DNTT: variants seen among roughly 807,000 people sequenced by gnomAD.
DNTT encodes nucleosidetriphosphate:DNA deoxynucleotidylexotransferase.
DNTT carries 47 observed loss-of-function variants against 60.9 expected under a neutral mutation model. That is an observed-to-expected ratio of 0.77 (90% confidence interval 0.61 to 0.98). The LOEUF is 0.98. Ranked by LOEUF, DNTT falls within the 50% of genes least tolerant of loss-of-function variation. The pLI is 0.00. For missense variants in DNTT, 665 were observed against 627.5 expected (o/e 1.06, Z -0.64); for synonymous variants, 224 against 221.2 (o/e 1.01, Z -0.11).
intron 4 of DNTT, among the ~76,000 whole-genome samples, chr10:96,321,089 T>C (rs535242763): frequency 1.3e-5 from 2 of 152,228 alleles, no homozygotes; most frequent in Non-Finnish European, 2.9e-5. Flanking sequence ...TTACCGATAG[T>C]GAATCCGTTC....
At chr10:96,327,235 CCTT>C (rs945756580) in intron 6 of DNTT, among the ~76,000 whole-genome samples, 3 of 152,288 alleles carry the variant, frequency 2.0e-5, no homozygotes, top group East Asian at 3.9e-4. Flanking sequence ...AATATTGTCT[CCTT>C]CTCAGGAAAT....
chr10:96,314,236 C>T (rs953168722), intron 1 of DNTT, among the ~76,000 whole-genome samples: 6 of 152,004 alleles, frequency 3.9e-5, no homozygotes, highest in Non-Finnish European at 8.8e-5. Context: ...GTTACTCCCT[C>T]TGCAACAAGA....
intron 8 of DNTT, 107 bp downstream of exon 8, chr10:96,328,937 C>G (rs1844972449): frequency 8.7e-7 from 1 of 1,145,892 alleles, no homozygotes; most frequent in Non-Finnish European, 1.2e-6. Context: ...AATCAATTCT[C>G]AATTATTTGT....
intron 9 of DNTT, among the ~76,000 whole-genome samples, chr10:96,333,446 G>A (rs886430712): frequency 2.0e-5 from 3 of 152,180 alleles, no homozygotes; most frequent in African/African-American, 7.2e-5. Context: ...ATATGATCCA[G>A]CAATCTTACT....
intron 1 of DNTT, 98 bp downstream of exon 1, chr10:96,304,798 A>AAAACACAGGTTCCTTG: frequency 7.4e-7 from 1 of 1,358,684 alleles, no homozygotes; most frequent in Non-Finnish European, 9.9e-7. Context: ...CATGTGGAAG[A>AAAACACAGGTTCCTTG]GGTGATCTTC....
chr10:96,330,754 C>T (rs1200650830), intron 8 of DNTT, among the ~76,000 whole-genome samples: 1 of 152,080 alleles, frequency 6.6e-6, no homozygotes, highest in Admixed American at 6.5e-5. Flanking sequence ...GTCCCTGGTC[C>T]GGGAACACCA....
At chr10:96,307,775 A>ATT (rs1194627144) in intron 1 of DNTT, among the ~76,000 whole-genome samples, 1,808 of 121,240 alleles carry the variant, frequency 0.015, 108 homozygotes, top group East Asian at 0.09. Flanking sequence ...ATATATATAT[A>ATT]TATTTTTTTT....
chr10:96,317,831 GGT>G, intron 1 of DNTT, among the ~76,000 whole-genome samples: 1 of 152,240 alleles, frequency 6.6e-6, no homozygotes, highest in Non-Finnish European at 1.5e-5. Context: ...CTCAGTCTAA[GGT>G]ATTTTGTTAT....
chr10:96,329,472 A>G (rs1157015205), intron 8 of DNTT, among the ~76,000 whole-genome samples: 1 of 152,206 alleles, frequency 6.6e-6, no homozygotes, highest in East Asian at 1.9e-4. Context: ...CACTTCCTAG[A>G]GAGACCAGAG....
rs1844817537 is a variant in DNTT at position 96,318,424 on chromosome 10, A to G, written c.276A>G (p.Lys92=). ...SDVLEWLQAQ[K]VQVSSQPELL... Reference sequence around the variant, plus strand: ...TTCTGGAGTGGCTTCAAGCACAGAAAGTACAAGTCAGCTCACAACCAGAGC... The same window carrying G: ...TTCTGGAGTGGCTTCAAGCACAGAAGGTACAAGTCAGCTCACAACCAGAGC... Residue 92 remains lysine, a synonymous_variant, in exon 2 of 11, where the codon AAA becomes AAG. Coordinates refer to ENST00000371174, the MANE Select transcript of DNTT (RefSeq NM_004088.4). 6.2e-7 allele frequency: 1 copy of G among 1,613,756 alleles called. No homozygotes were observed. Among genetic ancestry groups the G allele is most frequent in the African/African-American group, 1.3e-5 (1 of 74,910 alleles).
chr10:96,327,540 A>G lies in DNTT; in HGVS notation c.947A>G (p.Lys316Arg), dbSNP rs543737867. The G allele has an allele frequency of 6.2e-7, 1 of 1,614,084 alleles. No homozygotes were observed. Among genetic ancestry groups the G allele is most frequent in the East Asian group, 2.2e-5 (1 of 44,890 alleles). ...AEAEAVSVLV[K>R]EAVWAFLPDA... Reference sequence around the variant, plus strand: ...GCAGAGGCCGTCAGTGTGCTGGTTAAAGAGGCTGTCTGGGCATTTCTTCCG... The same window carrying G: ...GCAGAGGCCGTCAGTGTGCTGGTTAGAGAGGCTGTCTGGGCATTTCTTCCG... The change falls in exon 7 of 11, where the codon AAA (lysine) becomes AGA (arginine). Residue 316 changes from lysine to arginine, a missense_variant. Lys to Arg is a conservative substitution (Grantham distance 26). Transcript: ENST00000371174.
intron 5 of DNTT, 33 bp downstream of exon 5, chr10:96,322,761 G>A: frequency 1.3e-6 from 2 of 1,502,262 alleles, no homozygotes; most frequent in Non-Finnish European, 1.8e-6. Flanking sequence ...ATTGAAAATT[G>A]TTTTTCAGTT....
At chr10:96,320,845 A>G in intron 4 of DNTT, 57 bp downstream of exon 4, 1 of 1,593,044 alleles carries the variant, frequency 6.3e-7, no homozygotes, top group Middle Eastern at 1.7e-4. Flanking sequence ...AACGGGGGAG[A>G]GAGGGATGTA....
chr10:96,319,478 G>A, intron 3 of DNTT, 88 bp downstream of exon 3: 6 of 1,571,080 alleles, frequency 3.8e-6, no homozygotes, highest in Non-Finnish European at 5.2e-6. Context: ...AAATTTTTCT[G>A]AAAACCTGGG....
At chr10:96,325,156 AT>A (rs972287281) in intron 6 of DNTT, among the ~76,000 whole-genome samples, 12 of 152,338 alleles carry the variant, frequency 7.9e-5, no homozygotes, top group African/African-American at 2.9e-4. Flanking sequence ...GTTTAAAAAA[AT>A]GTTTACTTTT....
intron 8 of DNTT, among the ~76,000 whole-genome samples, chr10:96,330,325 T>A (rs1288467240): frequency 1.3e-5 from 2 of 152,088 alleles, no homozygotes; most frequent in African/African-American, 2.4e-5. Flanking sequence ...GCTTTTTTTT[T>A]TTTTTTTTAA....
chr10:96,317,741 A>G (rs183894113), intron 1 of DNTT, among the ~76,000 whole-genome samples: 3 of 152,322 alleles, frequency 2.0e-5, no homozygotes, highest in Admixed American at 2.0e-4. Context: ...TTCACTGGAC[A>G]CCATATCTGC....
Position 96,332,372 on chromosome 10 carries a change from C to T in DNTT, c.1135C>T (p.Leu379Phe), listed in dbSNP as rs1258299549. 2 of 1,614,110 alleles carry T rather than the reference C, an allele frequency of 1.2e-6. No individual in the cohort carries two copies. The highest frequency in any genetic ancestry group is 1.7e-6 in the Non-Finnish European group (2 of 1,179,986). The change falls in exon 9 of 11, where the codon CTT becomes TTT. Residue 379 changes from leucine to phenylalanine, a missense_variant. By Grantham distance (22) the Leu-to-Phe change is conservative. Transcript: ENST00000371174. The part of the protein sequence containing the change: ...EKKGLLLYYD[L>F]VESTFEKLRL... Reference sequence around the variant, plus strand: ...TCAGGGATTACTTTTATATTATGACCTTGTGGAGTCAACATTTGAAAAGCT... The same window carrying T: ...TCAGGGATTACTTTTATATTATGACTTTGTGGAGTCAACATTTGAAAAGCT...
Position 96,318,464 on chromosome 10 carries a change from T to C in DNTT, c.316T>C (p.Trp106Arg). 1.2e-6 allele frequency: 2 copies of C among 1,613,980 alleles called. No homozygotes were observed. Among genetic ancestry groups the C allele is most frequent in the Admixed American group, 1.7e-5 (1 of 60,018 alleles). Residue 106 changes from tryptophan (W) to arginine (R), a missense_variant, in exon 2 of 11, where the codon TGG (tryptophan) becomes CGG (arginine). Transcript: ENST00000371174. ...SSQPELLDVS[W>R]LIECIRAGKP... Reference sequence around the variant, plus strand: ...ACAACCAGAGCTCCTCGATGTCTCCTGGCTGATCGAATGCATAAGAGCAGG... The same window carrying C: ...ACAACCAGAGCTCCTCGATGTCTCCCGGCTGATCGAATGCATAAGAGCAGG...
Sources: gnomAD v4.1 joint callset for allele counts (sites outside exome capture counted in the v4.1 genomes callset) on GRCh38, gnomAD v4.1.1 for gene constraint, MANE v1.5 for transcripts, NCBI Gene and HGNC (gene_info 2026-07-23, HGNC 2026-07-21) for gene names.